Variants in SEPTIN9 observed in about 807,000 individuals in gnomAD.
SEPTIN9 encodes the protein septin-9.
In SEPTIN9, 13 loss-of-function variants were observed where a neutral mutation model predicts 56.6. The observed-to-expected ratio is 0.23, with a 90% CI of 0.15 to 0.37. The LOEUF is 0.37. Ranked by LOEUF, SEPTIN9 falls within the 10% of genes least tolerant of loss-of-function variation. The pLI, the probability that SEPTIN9 is intolerant of heterozygous loss-of-function variation, is 1.00. For synonymous variants in SEPTIN9, 332 were observed against 334.1 expected (o/e 0.99, Z 0.07); for missense variants, 650 against 823.1 (o/e 0.79, Z 2.57).
intron 11 of SEPTIN9, 143 bp from the exon 12 acceptor site, chr17:77,498,380 A>G (rs1231423437): frequency 1.1e-5 from 7 of 637,512 alleles, no homozygotes; most frequent in Non-Finnish European, 1.7e-5. Flanking sequence ...GGGGGACCCC[A>G]TGGGGAGCCA....
chr17:77,315,842 G>A (rs1229051404), intron 2 of SEPTIN9, among the ~76,000 whole-genome samples: 1 of 152,220 alleles, frequency 6.6e-6, no homozygotes, highest in African/African-American at 2.4e-5. Flanking sequence ...GTCTATGGGG[G>A]GTGAAGGACA....
Position 77,475,859 on chromosome 17 carries a change from A to AT in SEPTIN9, c.722-6284dup. On this transcript the variant is annotated intron_variant, in intron 3 of 11. Transcript: ENST00000427177. The surrounding 1 kb of genome is among the most constrained non-coding windows in gnomAD (Gnocchi z 4.6). Reference sequence around the variant, plus strand: ...ACAGGCCTCCGTGGGCAGGAGGAGGATGACCTTGCATTCTGCTTGGCCACC... The same window carrying AT: ...ACAGGCCTCCGTGGGCAGGAGGAGGATTGACCTTGCATTCTGCTTGGCCACC... 2 of 1,613,252 alleles carry AT rather than the reference A, an allele frequency of 1.2e-6. No individual in the cohort carries two copies. The highest frequency in any genetic ancestry group is 1.7e-6 in the Non-Finnish European group (2 of 1,179,652).
At chr17:77,412,437 T>A (rs931203223) in intron 3 of SEPTIN9, among the ~76,000 whole-genome samples, 9 of 152,190 alleles carry the variant, frequency 5.9e-5, no homozygotes, top group Non-Finnish European at 1.0e-4. Flanking sequence ...TGAAATTTTT[T>A]AAAAAGAGTT....
intron 3 of SEPTIN9, among the ~76,000 whole-genome samples, chr17:77,426,520 C>T (rs372118995): frequency 3.3e-5 from 5 of 152,284 alleles, no homozygotes; most frequent in East Asian, 3.9e-4. Flanking sequence ...CTGGCCACTC[C>T]CCTCAGCCCC....
intron 2 of SEPTIN9, among the ~76,000 whole-genome samples, chr17:77,332,912 G>A (rs1322376569): frequency 6.6e-6 from 1 of 152,208 alleles, no homozygotes; most frequent in Non-Finnish European, 1.5e-5. Context: ...GCTCTTATGA[G>A]TAAACCTGTT....
chr17:77,366,791 T>A (rs995428896), intron 2 of SEPTIN9, among the ~76,000 whole-genome samples: 2 of 152,036 alleles, frequency 1.3e-5, no homozygotes, highest in African/African-American at 4.8e-5. Context: ...CAGTCCCAAG[T>A]GCCGGAGCGG....
chr17:77,460,800 G>C (rs577385559), intron 3 of SEPTIN9, among the ~76,000 whole-genome samples: 1 of 152,300 alleles, frequency 6.6e-6, no homozygotes, highest in African/African-American at 2.4e-5. Flanking sequence ...GGTGCCGAGT[G>C]GGGTGTTTGG....
chr17:77,336,991 GC>G (rs1017136122), intron 2 of SEPTIN9, among the ~76,000 whole-genome samples: 9 of 133,454 alleles, frequency 6.7e-5, no homozygotes, highest in African/African-American at 2.4e-4. Context: ...ATTGATTTTT[GC>G]CCCCCGTTTT....
intron 1 of SEPTIN9, among the ~76,000 whole-genome samples, chr17:77,297,220 A>G (rs8079187): frequency 0.17 from 25,687 of 152,094 alleles, 2,417 homozygotes; most frequent in African/African-American, 0.24. Context: ...GAAGCTGTTG[A>G]TGTAACTCTT....
At chr17:77,333,984 A>G (rs181192012) in intron 2 of SEPTIN9, among the ~76,000 whole-genome samples, 4 of 152,254 alleles carry the variant, frequency 2.6e-5, no homozygotes, top group Admixed American at 2.6e-4. Flanking sequence ...TTCATTTTAT[A>G]ATGCTTGAAA....
chr17:77,338,507 C>T (rs1044464007), intron 2 of SEPTIN9, among the ~76,000 whole-genome samples: 3 of 152,146 alleles, frequency 2.0e-5, no homozygotes, highest in Admixed American at 1.3e-4. Flanking sequence ...CAACCTCTGC[C>T]TCCCGGGTTC....
At chr17:77,358,516 G>A (rs2034323240) in intron 2 of SEPTIN9, among the ~76,000 whole-genome samples, 1 of 151,998 alleles carries the variant, frequency 6.6e-6, no homozygotes, top group African/African-American at 2.4e-5. Context: ...AGCTACTCAA[G>A]GAGAACCCAG....
In SEPTIN9 at chr17:77,405,153, C is replaced by T. The variant is rs1443183008; in HGVS notation, c.721+2450C>T. 6.5e-7 allele frequency: 1 copy of T among 1,529,722 alleles called. No homozygotes were observed. Among genetic ancestry groups the T allele is most frequent in the East Asian group, 2.4e-5 (1 of 40,872 alleles). 94.8% of individuals were successfully genotyped at this position (1,529,722 alleles called of 1,614,324 possible). On this transcript the variant is annotated intron_variant, in intron 3 of 11. Transcript: ENST00000427177. This position sits in a 1 kb window ranked among gnomAD's most constrained non-coding sequence, Gnocchi z 5.8. ...CTCTGGGGGACAGGTAGGGGGATGT[C>T]CATGGGGATGTACAAGAACATTCTC...
intron 2 of SEPTIN9, among the ~76,000 whole-genome samples, chr17:77,356,680 TCCCCC>T (rs1205355524): frequency 5.5e-5 from 1 of 18,198 alleles, no homozygotes; most frequent in African/African-American, 2.7e-4. Flanking sequence ...CCCCCTCCCC[TCCCCC>T]CCCACATGCA....
rs780119081 is a variant in SEPTIN9, at chr17:77,475,935, C to A, written c.722-6209C>A. ...GGGGATGTGGCCATTTCGGTCCGTGCTCTGAGAGCCAGGTGTGGGTTGGGT... is the reference window on the plus strand; with the variant it reads ...GGGGATGTGGCCATTTCGGTCCGTGATCTGAGAGCCAGGTGTGGGTTGGGT... On this transcript the variant is annotated intron_variant, in intron 3 of 11. Transcript: ENST00000427177. The surrounding 1 kb of genome is among the most constrained non-coding windows in gnomAD (Gnocchi z 4.6). 1 of 1,586,442 alleles carries A rather than the reference C, an allele frequency of 6.3e-7. No homozygotes were observed. The highest frequency in any genetic ancestry group is 1.1e-5 in the South Asian group (1 of 87,288).
At position 77,487,562 on chromosome 17, in the gene SEPTIN9, C is replaced by T. The variant is rs114550498; in HGVS notation, c.1042+10C>T. ...AAGTCCATCACGCACGGTCAGTGGCCGGGAGTGGGCTGGGGGTGCAGGACG... is the reference window on the plus strand; with the variant it reads ...AAGTCCATCACGCACGGTCAGTGGCTGGGAGTGGGCTGGGGGTGCAGGACG... On this transcript the variant is annotated intron_variant, in intron 5 of 11. Coordinates refer to ENST00000427177, the MANE Select transcript of SEPTIN9 (RefSeq NM_001113491.2). This position sits in a 1 kb window ranked among gnomAD's most constrained non-coding sequence, Gnocchi z 4.3. 6,136 of 1,610,204 alleles carry T rather than the reference C, an allele frequency of 3.8e-3. 265 individuals carry two copies. In the African/African-American group the frequency reaches 0.074, roughly 19 times the overall value.
In SEPTIN9 at chr17:77,456,590, G is replaced by A. The variant is rs2038212245; in HGVS notation, c.722-25554G>A. ...TACTGAGTCCCTGCAGCCAGGGATG[G>A]GCCCCCACGGCCAGTACCAGATCTC... On this transcript the variant is annotated intron_variant, in intron 3 of 11. Transcript: ENST00000427177. The surrounding 1 kb of genome is among the most constrained non-coding windows in gnomAD (Gnocchi z 6.0). 6.6e-6 allele frequency: 1 copy of A among 152,478 alleles called. No individual in the cohort carries two copies. The highest frequency in any genetic ancestry group is 1.5e-5 in the Non-Finnish European group (1 of 68,306). 9.4% of individuals were successfully genotyped at this position (152,478 alleles called of 1,614,324 possible).
chr17:77,284,231 C>A lies in SEPTIN9; in HGVS notation c.19+2677C>A, dbSNP rs188555990. On this transcript the variant is annotated intron_variant, in intron 1 of 11. Coordinates refer to ENST00000427177, the MANE Select transcript of SEPTIN9 (RefSeq NM_001113491.2). ...ATCGCTTGAAGCCAGGAGTTCAAGG[C>A]TGCAGCCCTGTGACAGCGCCTGGAA... Among the ~76,000 whole-genome samples the A allele has an allele frequency of 1.4e-4, 19 of 136,860 alleles. No individual in the cohort carries two copies. In the East Asian group the frequency reaches 2.5e-3, roughly 18 times the overall value. The allele number at this position is 136,860 out of a possible 152,430, so 89.8% of individuals were successfully genotyped here.
chr17:77,395,728 G>A (rs949090150), intron 2 of SEPTIN9, among the ~76,000 whole-genome samples: 4 of 152,148 alleles, frequency 2.6e-5, no homozygotes, highest in African/African-American at 9.7e-5. Context: ...TGTATGAAAT[G>A]GAATTAGGAT....
Sources: gnomAD v4.1 joint callset for allele counts (sites outside exome capture counted in the v4.1 genomes callset) on GRCh38, gnomAD v4.1.1 for gene constraint, Gnocchi (gnomAD v3.1) non-coding constraint, MANE v1.5 for transcripts, NCBI Gene and HGNC (gene_info 2026-07-23, HGNC 2026-07-21) for gene names.